LUZP2: variants seen among roughly 807,000 people sequenced by gnomAD.
LUZP2 encodes the protein leucine zipper protein 2.
A neutral mutation model predicts 51.6 loss-of-function variants in LUZP2; 52 were observed. The ratio of observed to expected loss-of-function variants is 1.01; its 90% confidence interval spans 0.81 to 1.27. The LOEUF (loss-of-function observed/expected upper bound fraction) is 1.27. Ranked by LOEUF, LUZP2 falls within the 50% of genes most tolerant of loss-of-function variation. LUZP2 has a pLI of 0.00. For missense variants in LUZP2, 436 were observed against 395.4 expected, an observed-to-expected ratio of 1.10 and a Z score of -0.87; for synonymous variants, 154 against 137.3, an observed-to-expected ratio of 1.12 and a Z score of -0.85.
chr11:24,576,838 A>G lies in LUZP2; in HGVS notation c.62+79533A>G, dbSNP rs190822134. Among the ~76,000 whole-genome samples, 129 of 152,230 alleles carry G rather than the reference A, an allele frequency of 8.5e-4. 2 individuals are homozygous for G. The highest frequency in any genetic ancestry group is 2.4e-4 in the Non-Finnish European group (16 of 67,986). On this transcript the variant is annotated intron_variant, in intron 1 of 11. Transcript: ENST00000336930. ...CACCAAATTACTTGTTATATATATGAAATTGTTTGACATATTAGATATGAG... is the reference window on the plus strand; with the variant it reads ...CACCAAATTACTTGTTATATATATGGAATTGTTTGACATATTAGATATGAG...
chr11:24,780,200 G>A (rs1849048789), intron 5 of LUZP2, among the ~76,000 whole-genome samples: 1 of 152,054 alleles, frequency 6.6e-6, no homozygotes, highest in South Asian at 2.1e-4. Flanking sequence ...GTTTTATGAT[G>A]GTGGATTCCA....
intron 1 of LUZP2, among the ~76,000 whole-genome samples, chr11:24,578,901 C>T (rs1258307622): frequency 6.6e-6 from 1 of 151,992 alleles, no homozygotes; most frequent in Admixed American, 6.6e-5. Context: ...AACAAACCTG[C>T]ACATATACCC....
At chr11:24,797,580 C>T (rs980946903) in intron 5 of LUZP2, among the ~76,000 whole-genome samples, 1 of 152,128 alleles carries the variant, frequency 6.6e-6, no homozygotes, top group Non-Finnish European at 1.5e-5. Flanking sequence ...GAAAACTTGC[C>T]TCCTGGTGAT....
At chr11:24,938,627 T>C (rs1398151950) in intron 7 of LUZP2, among the ~76,000 whole-genome samples, 1 of 152,202 alleles carries the variant, frequency 6.6e-6, no homozygotes, top group Non-Finnish European at 1.5e-5. Context: ...GTTGCACCAC[T>C]TCCTCCTTCT....
chr11:24,532,037 A>G (rs1017764842), intron 1 of LUZP2, among the ~76,000 whole-genome samples: 2 of 151,046 alleles, frequency 1.3e-5, no homozygotes, highest in Admixed American at 1.3e-4. Context: ...TATGAACACT[A>G]TCAAACAATC....
chr11:24,558,958 A>G (rs1851952087), intron 1 of LUZP2, among the ~76,000 whole-genome samples: 1 of 152,174 alleles, frequency 6.6e-6, no homozygotes, highest in Non-Finnish European at 1.5e-5. Flanking sequence ...GATATTTTTT[A>G]GCAGCAGAAA....
intron 1 of LUZP2, among the ~76,000 whole-genome samples, chr11:24,657,797 C>G (rs1156957095): frequency 6.6e-6 from 1 of 152,056 alleles, no homozygotes; most frequent in East Asian, 1.9e-4. Context: ...AACAGAGAGC[C>G]AAATCATGAG....
At chr11:24,865,423 C>A (rs550064710) in intron 5 of LUZP2, among the ~76,000 whole-genome samples, 8 of 152,112 alleles carry the variant, frequency 5.3e-5, no homozygotes, top group African/African-American at 1.7e-4. Flanking sequence ...TTGCCTATGG[C>A]AAAGATTTAG....
chr11:24,635,310 C>G (rs1013584366), intron 1 of LUZP2, among the ~76,000 whole-genome samples: 2 of 151,934 alleles, frequency 1.3e-5, no homozygotes, highest in Non-Finnish European at 2.9e-5. Flanking sequence ...AATGCAAACA[C>G]TTGATCTTAT....
intron 5 of LUZP2, among the ~76,000 whole-genome samples, chr11:24,849,621 C>G (rs1472374128): frequency 6.6e-6 from 1 of 152,058 alleles, no homozygotes; most frequent in Non-Finnish European, 1.5e-5. Context: ...AATGATTTAT[C>G]ATCCTTTGGG....
chr11:24,589,181 T>A (rs1173043607), intron 1 of LUZP2, among the ~76,000 whole-genome samples: 1 of 152,166 alleles, frequency 6.6e-6, no homozygotes, highest in Non-Finnish European at 1.5e-5. Context: ...TTCCTAGATC[T>A]CTAATTGATC....
chr11:24,567,437 C>G (rs527847502), intron 1 of LUZP2, among the ~76,000 whole-genome samples: 75 of 152,052 alleles, frequency 4.9e-4, no homozygotes, highest in African/African-American at 1.5e-3. Context: ...ATAGAAACCT[C>G]CCAAATGTGA....
chr11:24,986,830 A>C (rs1856200822), intron 9 of LUZP2, among the ~76,000 whole-genome samples: 1 of 151,754 alleles, frequency 6.6e-6, no homozygotes, highest in Admixed American at 6.6e-5. Flanking sequence ...AAGAACAGAA[A>C]ACATATCACC....
At chr11:24,931,410 G>T (rs555449144) in intron 7 of LUZP2, among the ~76,000 whole-genome samples, 2 of 152,074 alleles carry the variant, frequency 1.3e-5, no homozygotes, top group East Asian at 1.9e-4. Flanking sequence ...GGCGTTTCTC[G>T]TTAGGTAGAA....
chr11:24,589,086 C>A (rs1201457584), intron 1 of LUZP2, among the ~76,000 whole-genome samples: 1 of 152,094 alleles, frequency 6.6e-6, no homozygotes, highest in African/African-American at 2.4e-5. Context: ...ATTTATACCC[C>A]CAGCAATCTC....
chr11:25,065,158 G>A (rs1044213609), intron 10 of LUZP2, among the ~76,000 whole-genome samples: 1 of 151,968 alleles, frequency 6.6e-6, no homozygotes, highest in African/African-American at 2.4e-5. Context: ...AGAGCCAAAT[G>A]TTCTTGTAGT....
intron 1 of LUZP2, among the ~76,000 whole-genome samples, chr11:24,700,360 G>A (rs535032143): frequency 6.6e-5 from 10 of 152,036 alleles, no homozygotes; most frequent in East Asian, 1.9e-4. Context: ...CACCACGCCC[G>A]GCTTATTTTC....
At chr11:24,806,842 T>A (rs1292180984) in intron 5 of LUZP2, among the ~76,000 whole-genome samples, 1 of 151,808 alleles carries the variant, frequency 6.6e-6, no homozygotes, top group Non-Finnish European at 1.5e-5. Context: ...GTAACTCTGA[T>A]AAAATAATCT....
chr11:24,650,198 G>C (rs1855585460), intron 1 of LUZP2, among the ~76,000 whole-genome samples: 1 of 151,888 alleles, frequency 6.6e-6, no homozygotes, highest in Non-Finnish European at 1.5e-5. Context: ...AGCCATCCCA[G>C]ACAGATTCCT....
Sources: gnomAD v4.1 joint callset for allele counts (sites outside exome capture counted in the v4.1 genomes callset) on GRCh38, gnomAD v4.1.1 for gene constraint, MANE v1.5 for transcripts, NCBI Gene and HGNC (gene_info 2026-07-23, HGNC 2026-07-21) for gene names.